GNB1: variants seen among roughly 807,000 people sequenced by gnomAD.
GNB1 encodes G protein subunit beta 1.
Under a neutral mutation model 42.9 loss-of-function variants are expected in GNB1, and 2 were observed. The observed-to-expected ratio is 0.05, with a 90% CI of 0.02 to 0.15. GNB1 has a LOEUF of 0.15. Ranked by LOEUF, GNB1 falls within the 10% of genes least tolerant of loss-of-function variation. The pLI is 1.00. For synonymous variants in GNB1, 183 were observed against 174.7 expected, an observed-to-expected ratio of 1.05 and a Z score of -0.38; for missense variants, 193 against 462.2, an observed-to-expected ratio of 0.42 and a Z score of 5.34.
chr1:1,814,257 A>G (rs1252143209), intron 5 of GNB1, among the ~76,000 whole-genome samples: 1 of 152,232 alleles, frequency 6.6e-6, no homozygotes, highest in Non-Finnish European at 1.5e-5. Flanking sequence ...AACAAAGAAA[A>G]AGCCTAGCAG....
intron 7 of GNB1, among the ~76,000 whole-genome samples, chr1:1,796,770 G>A (rs1211778290): frequency 6.6e-6 from 1 of 152,200 alleles, no homozygotes; most frequent in East Asian, 1.9e-4. Context: ...AGGCTGAAAC[G>A]CGGCCTGGGG....
intron 1 of GNB1, among the ~76,000 whole-genome samples, chr1:1,879,880 T>C (rs370157972): frequency 7.9e-5 from 12 of 152,152 alleles, no homozygotes; most frequent in African/African-American, 2.9e-4. Context: ...AAGAGGAAAA[T>C]TCAGTCTCAC....
At chr1:1,871,104 T>A (rs1413598199) in intron 1 of GNB1, among the ~76,000 whole-genome samples, 1 of 151,998 alleles carries the variant, frequency 6.6e-6, no homozygotes, top group African/African-American at 2.4e-5. Context: ...TGGCTTTCAC[T>A]CCCTACCGTG....
At chr1:1,837,481 C>A (rs1647168377) in intron 2 of GNB1, among the ~76,000 whole-genome samples, 1 of 151,742 alleles carries the variant, frequency 6.6e-6, no homozygotes, top group African/African-American at 2.4e-5. Context: ...GTCTCGATCT[C>A]TTGACCTCGT....
intron 1 of GNB1, among the ~76,000 whole-genome samples, chr1:1,872,247 G>A (rs1223977765): frequency 6.6e-6 from 1 of 152,080 alleles, no homozygotes; most frequent in Non-Finnish European, 1.5e-5. Flanking sequence ...CAAACTGTTA[G>A]GACTATAAGC....
At chr1:1,812,405 C>CGT (rs1454898850) in intron 5 of GNB1, among the ~76,000 whole-genome samples, 2 of 46,706 alleles carry the variant, frequency 4.3e-5, no homozygotes, top group African/African-American at 8.1e-5. Flanking sequence ...CACACACATA[C>CGT]ATACACACAC....
intron 3 of GNB1, 165 bp from the exon 4 acceptor site, chr1:1,818,040 T>C: frequency 5.0e-6 from 3 of 597,192 alleles, no homozygotes; most frequent in Admixed American, 4.6e-5. Context: ...CATGGTCTAC[T>C]ACCATCTGTG....
intron 6 of GNB1, among the ~76,000 whole-genome samples, 179 bp downstream of exon 6, chr1:1,806,296 G>A (rs1042013065): frequency 3.9e-5 from 6 of 152,224 alleles, no homozygotes; most frequent in Admixed American, 3.3e-4. Context: ...GGAAGAGACC[G>A]TGACAGGTGG....
intron 1 of GNB1, among the ~76,000 whole-genome samples, chr1:1,878,835 C>T (rs1649687860): frequency 6.6e-6 from 1 of 152,192 alleles, no homozygotes; most frequent in Admixed American, 6.5e-5. Flanking sequence ...TCTCCGACTA[C>T]TTTCCTACAA....
chr1:1,861,612 G>C (rs1238954876), intron 1 of GNB1, among the ~76,000 whole-genome samples: 1 of 151,806 alleles, frequency 6.6e-6, no homozygotes, highest in African/African-American at 2.4e-5. Flanking sequence ...TGGTGGTGGG[G>C]GAGAAGTGAT....
chr1:1,785,942 A>G lies in GNB1; in HGVS notation c.*1121T>C. ...ACAGAGCCGCAATGGTTACAACTGT[A>G]AGAGGTTATTTCTTAAAAGAAAAAG... is the stretch of plus-strand genomic sequence containing the variant. On this transcript the variant is annotated 3_prime_UTR_variant, in exon 12 of 12. Transcript: ENST00000378609. 5.0e-6 allele frequency: 2 copies of G among 398,994 alleles called. No homozygotes were observed. Among genetic ancestry groups the G allele is most frequent in the African/African-American group, 2.1e-5 (1 of 48,720 alleles). 24.7% of individuals were successfully genotyped at this position (398,994 alleles called of 1,614,324 possible).
At chr1:1,804,078 G>C (rs1291948985) in intron 7 of GNB1, among the ~76,000 whole-genome samples, 1 of 150,292 alleles carries the variant, frequency 6.7e-6, no homozygotes, top group Non-Finnish European at 1.5e-5. Context: ...TGGATCACGA[G>C]GTTAGGAGAT....
At chr1:1,839,332 A>G (rs2101175819) in intron 1 of GNB1, 94 bp from the exon 2 acceptor site, 1 of 152,340 alleles carries the variant, frequency 6.6e-6, no homozygotes, top group South Asian at 2.1e-4. Context: ...GCAACGACAC[A>G]TAAATTTGAC....
intron 4 of GNB1, among the ~76,000 whole-genome samples, chr1:1,816,829 G>A (rs1237939845): frequency 1.3e-5 from 2 of 151,736 alleles, no homozygotes; most frequent in African/African-American, 4.8e-5. Context: ...TTGTATTTTA[G>A]TAGGGACAGG....
chr1:1,865,622 C>CT (rs1570735840), intron 1 of GNB1, among the ~76,000 whole-genome samples: 1 of 152,138 alleles, frequency 6.6e-6, no homozygotes, highest in East Asian at 1.9e-4. Flanking sequence ...GTTATGTTCA[C>CT]AATACCAGCA....
At chr1:1,866,854 T>C (rs1648969579) in intron 1 of GNB1, among the ~76,000 whole-genome samples, 1 of 152,096 alleles carries the variant, frequency 6.6e-6, no homozygotes. Context: ...CTCAGGAGGC[T>C]GAGGCAGGAG....
intron 1 of GNB1, among the ~76,000 whole-genome samples, chr1:1,860,402 C>CCTG (rs1243841741): frequency 6.6e-6 from 1 of 151,992 alleles, no homozygotes; most frequent in East Asian, 1.9e-4. Context: ...AGGAAATAAA[C>CCTG]CTGCACATGC....
At chr1:1,805,806 T>C (rs1445822521) in intron 6 of GNB1, among the ~76,000 whole-genome samples, 1 of 152,124 alleles carries the variant, frequency 6.6e-6, no homozygotes, top group East Asian at 1.9e-4. Flanking sequence ...CCTCCCAAAA[T>C]GCTGGAATTA....
intron 1 of GNB1, among the ~76,000 whole-genome samples, chr1:1,862,310 TAAC>T (rs1270394312): frequency 3.3e-5 from 5 of 151,384 alleles, no homozygotes; most frequent in Admixed American, 2.6e-4. Context: ...AGCCACTAAG[TAAC>T]TCCTGGGACC....
Sources: allele counts gnomAD v4.1 joint callset (sites outside exome capture counted in the v4.1 genomes callset), GRCh38; gene constraint gnomAD v4.1.1; transcripts MANE v1.5; gene names NCBI Gene and HGNC (gene_info 2026-07-23, HGNC 2026-07-21).